Variants in NCALD observed in about 807,000 individuals in gnomAD.
NCALD encodes the protein neurocalcin-delta.
In NCALD, 10 loss-of-function variants were observed where a neutral mutation model predicts 18.6. The ratio of observed to expected loss-of-function variants is 0.54; its 90% CI spans 0.33 to 0.91. NCALD has a LOEUF of 0.91. Among genes scored for constraint, NCALD ranks in the 40% least tolerant of loss-of-function variants. The pLI is 0.03. For missense variants in NCALD, 184 were observed against 247.6 expected (o/e 0.74, Z 1.72); for synonymous variants, 88 against 87.4 (o/e 1.01, Z -0.04).
At chr8:102,064,583 T>C (rs1823944917) in intron 1 of NCALD, among the ~76,000 whole-genome samples, 2 of 152,236 alleles carry the variant, frequency 1.3e-5, no homozygotes, top group Admixed American at 1.3e-4. Context: ...CTTCTACTTC[T>C]ACAAGTGATG....
At position 101,931,051 on chromosome 8, in the gene NCALD, C is replaced by T. The variant is rs141816729; in HGVS notation, c.-156-15193G>A. ...GCAGAGGCGAAAGCTGTGTCACCAG[C>T]ACCACTGTCCCTGGTGTCACTAAGC... On this transcript the variant is annotated intron_variant, in intron 2 of 6. Coordinates refer to the NCALD transcript ENST00000311028. Among the ~76,000 whole-genome samples the T allele has an allele frequency of 2.0e-3, 310 of 152,244 alleles. 3 individuals are homozygous for T. Among genetic ancestry groups the T allele is most frequent in the African/African-American group, 5.2e-3 (214 of 41,544 alleles).
At chr8:101,846,060 TTATC>T (rs1305209068) in intron 4 of NCALD, among the ~76,000 whole-genome samples, 2 of 152,228 alleles carry the variant, frequency 1.3e-5, no homozygotes, top group African/African-American at 4.8e-5. Context: ...TACATTTTCT[TTATC>T]CATTCATCTG....
chr8:102,016,341 C>T (rs1199688820), intron 2 of NCALD, among the ~76,000 whole-genome samples: 2 of 152,174 alleles, frequency 1.3e-5, no homozygotes, highest in Non-Finnish European at 2.9e-5. Context: ...AAACATAAGG[C>T]CTACCTAAGA....
At chr8:102,075,112 T>C (rs538659377) in intron 1 of NCALD, among the ~76,000 whole-genome samples, 1 of 152,340 alleles carries the variant, frequency 6.6e-6, no homozygotes, top group South Asian at 2.1e-4. Flanking sequence ...TAAGACACAC[T>C]GAGAAACTGA....
At chr8:102,039,684 T>C (rs533740901) in intron 1 of NCALD, among the ~76,000 whole-genome samples, 1 of 152,236 alleles carries the variant, frequency 6.6e-6, no homozygotes, top group Non-Finnish European at 1.5e-5. Flanking sequence ...GTGCTATCAT[T>C]TGAATGTTCA....
At chr8:101,911,706 A>C (rs1431626174) in intron 3 of NCALD, among the ~76,000 whole-genome samples, 1 of 151,906 alleles carries the variant, frequency 6.6e-6, no homozygotes, top group Non-Finnish European at 1.5e-5. Flanking sequence ...TTTCCTTTTC[A>C]TTTCATCTTG....
At chr8:101,829,858 C>T (rs544186804) in intron 4 of NCALD, among the ~76,000 whole-genome samples, 5 of 151,910 alleles carry the variant, frequency 3.3e-5, no homozygotes, top group Non-Finnish European at 5.9e-5. Context: ...TCTATTCCAA[C>T]AGTATTATGT....
intron 1 of NCALD, among the ~76,000 whole-genome samples, chr8:102,044,627 T>G (rs140380644): frequency 1.3e-5 from 2 of 152,324 alleles, no homozygotes; most frequent in African/African-American, 4.8e-5. Flanking sequence ...TTCCCCAAAA[T>G]AATTTAGCAT....
intron 1 of NCALD, among the ~76,000 whole-genome samples, chr8:102,058,603 C>T (rs149069989): frequency 5.9e-5 from 9 of 152,304 alleles, no homozygotes; most frequent in Middle Eastern, 3.4e-3. Context: ...CTCAGCTGTA[C>T]TCTCTCCCTC....
chr8:101,839,257 C>T (rs574119716), intron 4 of NCALD, among the ~76,000 whole-genome samples: 1 of 151,794 alleles, frequency 6.6e-6, no homozygotes, highest in South Asian at 2.1e-4. Context: ...AGGGCCAGAT[C>T]TAGACCTTGG....
chr8:101,949,199 C>T lies in NCALD; in HGVS notation c.-156-33341G>A, dbSNP rs192745383. Among the ~76,000 whole-genome samples, 12 of 152,210 alleles carry T rather than the reference C, an allele frequency of 7.9e-5. No homozygotes were observed. In the East Asian group the frequency reaches 2.3e-3, roughly 29 times the overall value. On this transcript the variant is annotated intron_variant, in intron 2 of 6. Coordinates refer to the NCALD transcript ENST00000311028. ...ATTTAGCAAAAAGCTTTCATTGATC[C>T]TTTAATTTACCCCACAATCCTGTGA...
At chr8:102,086,023 G>A (rs1824725775) in intron 1 of NCALD, among the ~76,000 whole-genome samples, 2 of 152,238 alleles carry the variant, frequency 1.3e-5, no homozygotes, top group Admixed American at 1.3e-4. Flanking sequence ...TTAAGGATGG[G>A]AAAGAGTCAG....
intron 2 of NCALD, among the ~76,000 whole-genome samples, chr8:101,973,621 A>G (rs1820320343): frequency 6.6e-6 from 1 of 152,170 alleles, no homozygotes; most frequent in Non-Finnish European, 1.5e-5. Context: ...GGGGTAAACC[A>G]AGGAGAAGAA....
chr8:101,994,084 A>G (rs1821149771), intron 2 of NCALD, among the ~76,000 whole-genome samples: 1 of 152,216 alleles, frequency 6.6e-6, no homozygotes, highest in Non-Finnish European at 1.5e-5. Context: ...ATCTTTAGGC[A>G]GCATTTTTTC....
At chr8:101,738,177 T>G (rs1478811143) in intron 1 of NCALD, among the ~76,000 whole-genome samples, 2 of 152,110 alleles carry the variant, frequency 1.3e-5, no homozygotes, top group Admixed American at 6.5e-5. Flanking sequence ...TTGTTTTTCC[T>G]AGGAAACTGA....
intron 2 of NCALD, among the ~76,000 whole-genome samples, chr8:101,974,485 A>T (rs1168118746): frequency 6.6e-6 from 1 of 152,202 alleles, no homozygotes; most frequent in Admixed American, 6.5e-5. Flanking sequence ...CCCTTTGACA[A>T]GAAAATACAA....
At chr8:101,772,561 C>A (rs959800905) in intron 1 of NCALD, among the ~76,000 whole-genome samples, 1 of 152,212 alleles carries the variant, frequency 6.6e-6, no homozygotes, top group Admixed American at 6.5e-5. Context: ...CAGCCCTGGA[C>A]ACCTTCCTTG....
rs943096831 is a variant in NCALD at position 101,687,096 on chromosome 8, T to C, written c.*2213A>G. The C allele has an allele frequency of 6.6e-6, 1 of 152,248 alleles. No homozygotes were observed. The highest frequency in any genetic ancestry group is 1.5e-5 in the Non-Finnish European group (1 of 68,096). 9.4% of individuals were successfully genotyped at this position (152,248 alleles called of 1,614,324 possible). Reference sequence around the variant, plus strand: ...ATGTGGCTCACTTTTCTTTCTGGAATAGCCGGAGACCTCTACTCCTCACTC... The same window carrying C: ...ATGTGGCTCACTTTTCTTTCTGGAACAGCCGGAGACCTCTACTCCTCACTC... On this transcript the variant is annotated 3_prime_UTR_variant, in exon 4 of 4. Transcript: ENST00000220931.
At position 101,969,590 on chromosome 8, in the gene NCALD, G is replaced by A. The variant is rs528482618; in HGVS notation, c.-157+50647C>T. Among the ~76,000 whole-genome samples, 115 of 152,084 alleles carry A rather than the reference G, an allele frequency of 7.6e-4. No homozygotes were observed. In the South Asian group the frequency reaches 0.016, roughly 22 times the overall value. ...AACCCAGGTCATCTGATTCTCAGACGGGGCCAATGGCTATGAGAGCCCAGG... is the reference window on the plus strand; with the variant it reads ...AACCCAGGTCATCTGATTCTCAGACAGGGCCAATGGCTATGAGAGCCCAGG... On this transcript the variant is annotated intron_variant, in intron 2 of 6. Coordinates refer to the NCALD transcript ENST00000311028.
Sources: gnomAD v4.1 joint callset for allele counts (sites outside exome capture counted in the v4.1 genomes callset) on GRCh38, gnomAD v4.1.1 for gene constraint, MANE v1.5 for transcripts, NCBI Gene and HGNC (gene_info 2026-07-23, HGNC 2026-07-21) for gene names.